The following COL10A1 variants were observed in gnomAD, a reference collection of about 807,000 sequenced individuals.
COL10A1 encodes collagen type X alpha 1 chain, also known as collagen alpha-1(X) chain.
A neutral mutation model predicts 18.2 loss-of-function variants in COL10A1; 10 were observed. The ratio of observed to expected loss-of-function variants is 0.55; its 90% CI spans 0.34 to 0.93. COL10A1 has a LOEUF of 0.93. Ranked by LOEUF, COL10A1 falls within the 40% of genes least tolerant of loss-of-function variation. The pLI is 0.02. For synonymous variants in COL10A1, 330 were observed against 316.6 expected (o/e 1.04, Z -0.45); for missense variants, 897 against 853.5 (o/e 1.05, Z -0.64).
At chr6:116,214,784 G>C in the COL10A1 span, among the ~76,000 whole-genome samples, 10 of 151,856 alleles carry the variant, frequency 6.6e-5, no homozygotes, top group Admixed American at 5.3e-4. Context: ...AGAGTTATCT[G>C]TGTTGTGCAC....
chr6:116,217,078 A>C, the COL10A1 span, among the ~76,000 whole-genome samples: 1 of 152,220 alleles, frequency 6.6e-6, no homozygotes, highest in Admixed American at 6.6e-5. Context: ...GTAGTGATAC[A>C]GTTAACAAGA....
At chr6:116,193,854 T>G in the COL10A1 span, among the ~76,000 whole-genome samples, 1 of 151,948 alleles carries the variant, frequency 6.6e-6, no homozygotes, top group African/African-American at 2.4e-5. Flanking sequence ...GCAGATCACT[T>G]GAGCCCAGTT....
intron 1 of COL10A1, among the ~76,000 whole-genome samples, chr6:116,150,111 G>A (rs1029169781): frequency 3.9e-5 from 6 of 152,070 alleles, no homozygotes; most frequent in African/African-American, 1.2e-4. Context: ...ATAAAAAGTC[G>A]AGTCTTTGAC....
intron 1 of COL10A1, among the ~76,000 whole-genome samples, chr6:116,134,468 T>C (rs1779540702): frequency 6.6e-6 from 1 of 152,232 alleles, no homozygotes; most frequent in Non-Finnish European, 1.5e-5. Context: ...AAATCCACTC[T>C]ATACAAGTAG....
chr6:116,129,974 A>G (rs543042289), upstream of COL10A1, among the ~76,000 whole-genome samples: 1 of 152,252 alleles, frequency 6.6e-6, no homozygotes, highest in East Asian at 1.9e-4. Context: ...AGAACCCTTT[A>G]CAGAGAGTGG....
At chr6:116,143,650 G>A (rs1420777501) in intron 1 of COL10A1, among the ~76,000 whole-genome samples, 1 of 151,964 alleles carries the variant, frequency 6.6e-6, no homozygotes, top group Non-Finnish European at 1.5e-5. Flanking sequence ...ATTTTTTATT[G>A]CTGTTAATTT....
the COL10A1 span, among the ~76,000 whole-genome samples, chr6:116,215,502 C>G: frequency 1.3e-5 from 2 of 152,070 alleles, no homozygotes; most frequent in African/African-American, 4.8e-5. Flanking sequence ...GACTTTACAG[C>G]CTGTCCAGAT....
chr6:116,128,915 T>C (rs1383207997), upstream of COL10A1, among the ~76,000 whole-genome samples: 1 of 152,194 alleles, frequency 6.6e-6, no homozygotes, highest in Non-Finnish European at 1.5e-5. Context: ...TCATATGCTT[T>C]TTAAACTTTT....
At chr6:116,123,990 A>G (rs3828742) in intron 2 of COL10A1, among the ~76,000 whole-genome samples, 6,538 of 152,162 alleles carry the variant, frequency 0.043, 216 homozygotes, top group African/African-American at 0.084. Context: ...AGCATTTCAA[A>G]TTGTGTTTGT....
rs1779031182 is a variant in COL10A1, at chr6:116,119,194, T to A, written c.*879A>T. 1 of 152,656 alleles carries A rather than the reference T, an allele frequency of 6.6e-6. No homozygotes were observed. Among genetic ancestry groups the A allele is most frequent in the South Asian group, 2.1e-4 (1 of 4,838 alleles). 9.5% of individuals were successfully genotyped at this position (152,656 alleles called of 1,614,324 possible). The stretch of plus-strand genomic sequence containing the variant: ...TAGTCGAATTTTGAAACCCTCAGTG[T>A]AAATTATAACTTCACTTGAATGGGA... On this transcript the variant is annotated 3_prime_UTR_variant, in exon 3 of 3. Coordinates refer to ENST00000651968, the MANE Select transcript of COL10A1 (RefSeq NM_000493.4).
chr6:116,200,592 T>C, the COL10A1 span, among the ~76,000 whole-genome samples: 1 of 152,012 alleles, frequency 6.6e-6, no homozygotes, highest in African/African-American at 2.4e-5. Flanking sequence ...GGTAAGACAC[T>C]ATTATAAGTA....
chr6:116,120,784 G>A lies in COL10A1; in HGVS notation c.1332C>T (p.Ala444=). ...GHNGEAGPRG[A]PGIPGTRGPI... ...GGCCTCTAGTACCTGGTATTCCAGG[G>A]GCACCTCTTGGGCCAGCCTCTCCAT... The change falls in exon 3 of 3, where the codon GCC becomes GCT. Residue 444 remains alanine, a synonymous_variant. Coordinates refer to ENST00000651968, the MANE Select transcript of COL10A1 (RefSeq NM_000493.4). 1.9e-6 allele frequency: 3 copies of A among 1,613,398 alleles called. No individual in the cohort carries two copies. The highest frequency in any genetic ancestry group is 1.3e-5 in the African/African-American group (1 of 75,048).
the COL10A1 span, among the ~76,000 whole-genome samples, chr6:116,216,741 A>G: frequency 1.3e-5 from 2 of 152,132 alleles, no homozygotes. Flanking sequence ...CCACCTATAA[A>G]TAAACAAAAT....
the COL10A1 span, among the ~76,000 whole-genome samples, chr6:116,213,867 T>C: frequency 1.3e-5 from 2 of 152,044 alleles, no homozygotes; most frequent in African/African-American, 4.8e-5. Context: ...ATTGGGGATT[T>C]TGTGCCAAGC....
chr6:116,161,089 G>A (rs1398294905), upstream of COL10A1, among the ~76,000 whole-genome samples: 4 of 150,586 alleles, frequency 2.7e-5, no homozygotes, highest in African/African-American at 9.8e-5. Flanking sequence ...ACTATCGTAA[G>A]AACAAAAAAC....
At chr6:116,151,844 T>A (rs1780049339) in intron 1 of COL10A1, among the ~76,000 whole-genome samples, 2 of 152,224 alleles carry the variant, frequency 1.3e-5, no homozygotes, top group Non-Finnish European at 2.9e-5. Flanking sequence ...TTTATTGAGA[T>A]ATTAATAAAC....
At chr6:116,158,210 A>G (rs1017528621) in intron 1 of COL10A1, among the ~76,000 whole-genome samples, 1 of 152,050 alleles carries the variant, frequency 6.6e-6, no homozygotes, top group Non-Finnish European at 1.5e-5. Flanking sequence ...GGAGATGTTT[A>G]GTATTACAAG....
the COL10A1 span, among the ~76,000 whole-genome samples, chr6:116,190,075 T>C: frequency 6.6e-6 from 1 of 151,930 alleles, no homozygotes; most frequent in African/African-American, 2.4e-5. Context: ...TTTTTTCAGC[T>C]TTATGGGAAT....
At chr6:116,188,752 A>G in the COL10A1 span, among the ~76,000 whole-genome samples, 1 of 151,054 alleles carries the variant, frequency 6.6e-6, no homozygotes, top group Admixed American at 6.6e-5. Flanking sequence ...TGTTTATAAC[A>G]TTTCAACCAA....
Sources: gnomAD v4.1 joint callset for allele counts (sites outside exome capture counted in the v4.1 genomes callset) on GRCh38, gnomAD v4.1.1 for gene constraint, MANE v1.5 for transcripts, NCBI Gene and HGNC (gene_info 2026-07-23, HGNC 2026-07-21) for gene names.